The following BEND5 variants were observed in gnomAD, a reference collection of about 807,000 sequenced individuals.
BEND5 encodes BEN domain-containing protein 5.
A neutral mutation model predicts 43.9 loss-of-function variants in BEND5; 22 were observed. The ratio of observed to expected loss-of-function variants is 0.50; its 90% confidence interval spans 0.36 to 0.72. The LOEUF is 0.72. BEND5 is among the 30% of genes least tolerant of loss of function. BEND5 has a pLI of 0.00. For synonymous variants in BEND5, 228 were observed against 225.9 expected (o/e 1.01, Z -0.08); for missense variants, 428 against 550.6 (o/e 0.78, Z 2.23).
At chr1:48,756,476 C>T (rs1295205612) in intron 3 of BEND5, among the ~76,000 whole-genome samples, 3 of 152,186 alleles carry the variant, frequency 2.0e-5, no homozygotes, top group East Asian at 3.8e-4. Context: ...TGAATTCTTA[C>T]ACTAGGCTAG....
Position 48,758,935 on chromosome 1 carries a change from C to T in BEND5, c.710G>A (p.Arg237Lys), listed in dbSNP as rs746410856. Residue 237 changes from arginine to lysine, a missense_variant, in exon 3 of 6, where the codon AGG becomes AAG. By Grantham distance (26) the Arg-to-Lys change is conservative. Coordinates refer to ENST00000371833, the MANE Select transcript of BEND5 (RefSeq NM_024603.4). The stretch of plus-strand genomic sequence containing the variant: ...CCGCAGGAGCAGCACGTCCTGGAGC[C>T]TCCGGTTAAGGTCACGGAGCTCCTT... ...EMKELRDLNR[R>K]LQDVLLLRLG... is the part of the protein sequence containing the mutation. 3.2e-6 allele frequency: 5 copies of T among 1,573,996 alleles called. No homozygotes were observed. The African/African-American group carries it at 5.4e-5, about 17-fold the overall frequency.
chr1:48,742,481 C>T, intron 4 of BEND5, 142 bp downstream of exon 4: 1 of 821,424 alleles, frequency 1.2e-6, no homozygotes, highest in Non-Finnish European at 1.7e-6. Context: ...TGATAGTATA[C>T]AAATTCCAGA....
chr1:48,757,304 C>T (rs1476263894), intron 3 of BEND5, among the ~76,000 whole-genome samples: 1 of 152,218 alleles, frequency 6.6e-6, no homozygotes, highest in Non-Finnish European at 1.5e-5. Flanking sequence ...TCCCCCATCA[C>T]CACTACAAGA....
intron 4 of BEND5, among the ~76,000 whole-genome samples, chr1:48,739,986 C>T (rs1183896591): frequency 2.0e-5 from 3 of 152,206 alleles, no homozygotes; most frequent in Admixed American, 2.0e-4. Context: ...AAGGCTTTGC[C>T]TCTTCTGTCC....
chr1:48,765,380 T>C (rs940593804), intron 1 of BEND5, among the ~76,000 whole-genome samples: 1 of 152,162 alleles, frequency 6.6e-6, no homozygotes, highest in African/African-American at 2.4e-5. Flanking sequence ...CACTTTATAC[T>C]CATTAGGATG....
At chr1:48,759,899 C>A (rs1644163838) in intron 2 of BEND5, among the ~76,000 whole-genome samples, 1 of 152,178 alleles carries the variant, frequency 6.6e-6, no homozygotes, top group Non-Finnish European at 1.5e-5. Flanking sequence ...TCAGAACTGG[C>A]ACTCAGTAGG....
chr1:48,752,551 C>T (rs1357351550), intron 3 of BEND5, among the ~76,000 whole-genome samples: 1 of 152,144 alleles, frequency 6.6e-6, no homozygotes, highest in Non-Finnish European at 1.5e-5. Flanking sequence ...TAGGTGTCAT[C>T]CAGGGTTGAC....
intron 3 of BEND5, among the ~76,000 whole-genome samples, chr1:48,745,832 T>C (rs994352058): frequency 1.3e-5 from 2 of 152,162 alleles, no homozygotes; most frequent in Non-Finnish European, 2.9e-5. Context: ...CCTTGGGTAG[T>C]AGAGCTTCCT....
At chr1:48,756,017 G>T (rs1487371124) in intron 3 of BEND5, among the ~76,000 whole-genome samples, 2 of 152,184 alleles carry the variant, frequency 1.3e-5, no homozygotes, top group Non-Finnish European at 2.9e-5. Flanking sequence ...AAAAGCCAAA[G>T]TTAACCCTGT....
intron 3 of BEND5, among the ~76,000 whole-genome samples, chr1:48,753,243 TGTCTG>T (rs1557947918): frequency 6.6e-6 from 1 of 152,246 alleles, no homozygotes. Context: ...CTGGTTCTCC[TGTCTG>T]TATGTAGTGG....
Position 48,727,799 on chromosome 1 carries a change from C to A in BEND5, c.*87G>T. ...ATCCCTGCACACACACCACCATGCA[C>A]GGTGGGGTCTGATTTGGACGGCACC... On this transcript the variant is annotated 3_prime_UTR_variant, in exon 6 of 6. Coordinates refer to ENST00000371833, the MANE Select transcript of BEND5 (RefSeq NM_024603.4). 7.7e-7 allele frequency: 1 copy of A among 1,297,082 alleles called. No homozygotes were observed. Among genetic ancestry groups the A allele is most frequent in the Admixed American group, 1.8e-5 (1 of 54,356 alleles). The allele number at this position is 1,297,082 out of a possible 1,614,324, so 80.3% of individuals were successfully genotyped here. A position where few individuals can be genotyped will look rare whatever the true frequency, so the allele number is the denominator to read the frequency against.
chr1:48,739,816 G>A (rs542415116), intron 4 of BEND5, among the ~76,000 whole-genome samples: 9 of 152,258 alleles, frequency 5.9e-5, no homozygotes, highest in African/African-American at 2.2e-4. Flanking sequence ...TTTTCCCTAC[G>A]TTTTCTTAAG....
intron 1 of BEND5, among the ~76,000 whole-genome samples, chr1:48,769,022 C>A (rs1179108807): frequency 6.6e-6 from 1 of 152,158 alleles, no homozygotes; most frequent in East Asian, 1.9e-4. Flanking sequence ...CAAATCGAGG[C>A]CTGCCTCTCT....
chr1:48,735,600 T>C (rs1648913647), intron 5 of BEND5, among the ~76,000 whole-genome samples: 1 of 151,932 alleles, frequency 6.6e-6, no homozygotes, highest in African/African-American at 2.4e-5. Flanking sequence ...TACAGCCCTA[T>C]CTTTAGGGAG....
chr1:48,742,798 C>T, intron 3 of BEND5, 27 bp from the exon 4 acceptor site: 1 of 1,506,134 alleles, frequency 6.6e-7, no homozygotes, highest in Non-Finnish European at 8.9e-7. Context: ...AGAAATCTGT[C>T]TAGAACTCCA....
intron 4 of BEND5, among the ~76,000 whole-genome samples, chr1:48,737,454 A>G (rs956099488): frequency 4.6e-5 from 7 of 152,134 alleles, no homozygotes; most frequent in African/African-American, 1.7e-4. Flanking sequence ...TGCCAATTGG[A>G]GTAGGGCTGT....
intron 3 of BEND5, among the ~76,000 whole-genome samples, chr1:48,744,049 G>C (rs1317658825): frequency 6.6e-6 from 1 of 152,174 alleles, no homozygotes; most frequent in Non-Finnish European, 1.5e-5. Context: ...GAGATTTCAG[G>C]TCCCATTCCT....
rs759081391 is a variant in BEND5 at position 48,736,494 on chromosome 1, G to A, written c.895-42C>T. The A allele has an allele frequency of 1.3e-6, 2 of 1,560,856 alleles. No individual in the cohort carries two copies. Among genetic ancestry groups the A allele is most frequent in the East Asian group, 4.5e-5 (2 of 44,544 alleles). On this transcript the variant is annotated intron_variant, in intron 4 of 5. Coordinates refer to ENST00000371833, the MANE Select transcript of BEND5 (RefSeq NM_024603.4). This position sits in a 1 kb window ranked among gnomAD's most constrained non-coding sequence, Gnocchi z 4.0. The stretch of plus-strand genomic sequence containing the variant: ...CACCAGCACCTGTTTAGTCCGACAG[G>A]AGGGCAGTGGGAGGCTTCTCTTGTC...
At chr1:48,758,758 T>A (rs1228997286) in intron 3 of BEND5, 142 bp downstream of exon 3, 1 of 687,530 alleles carries the variant, frequency 1.5e-6, no homozygotes, top group African/African-American at 1.8e-5. Context: ...GACTCTTCCT[T>A]GAGGTAACTG....
Sources: gnomAD v4.1 joint callset for allele counts (sites outside exome capture counted in the v4.1 genomes callset) on GRCh38, gnomAD v4.1.1 for gene constraint, Gnocchi (gnomAD v3.1) non-coding constraint, MANE v1.5 for transcripts, NCBI Gene and HGNC (gene_info 2026-07-23, HGNC 2026-07-21) for gene names.